SPTBN1: variants seen among roughly 807,000 people sequenced by gnomAD.
The protein encoded by SPTBN1 is spectrin beta, non-erythrocytic 1, also known as spectrin beta chain, non-erythrocytic 1.
A neutral mutation model predicts 266.4 loss-of-function variants in SPTBN1; 32 were observed. The observed-to-expected ratio is 0.12, with a 90% confidence interval of 0.09 to 0.16. SPTBN1 has a LOEUF of 0.16. SPTBN1 is among the 10% of genes least tolerant of loss of function. SPTBN1 has a pLI of 1.00. For missense variants in SPTBN1, 2,296 were observed against 3,067.1 expected (o/e 0.75, Z 5.94); for synonymous variants, 1,336 against 1,162.2 (o/e 1.15, Z -3.04).
At chr2:54,662,416 C>G in intron 32 of SPTBN1, 1 of 771,454 alleles carries the variant, frequency 1.3e-6, no homozygotes, top group Non-Finnish European at 1.6e-6. Flanking sequence ...AAAATTTTTG[C>G]TGCAGAATTA....
At chr2:54,541,351 G>C (rs1671926134) in intron 2 of SPTBN1, among the ~76,000 whole-genome samples, 1 of 152,218 alleles carries the variant, frequency 6.6e-6, no homozygotes, top group African/African-American at 2.4e-5. Context: ...TTTGAAGGAA[G>C]GCCAGTGTTA....
chr2:54,581,472 A>G (rs1365632013), intron 2 of SPTBN1, among the ~76,000 whole-genome samples: 1 of 151,426 alleles, frequency 6.6e-6, no homozygotes, highest in African/African-American at 2.4e-5. Flanking sequence ...CATGGCTGAC[A>G]TTGAACTTCC....
rs575049231 is a variant in SPTBN1, at chr2:54,543,160, A to G, written c.148+16594A>G. ...TGGCTTCAGAGGCCTGGAGTCCCAC[A>G]TGAGGTCCCTGCTCTGTCGCCTACT... On this transcript the variant is annotated intron_variant, in intron 2 of 35. Transcript: ENST00000356805. Among the ~76,000 whole-genome samples, 4 of 152,296 alleles carry G rather than the reference A, an allele frequency of 2.6e-5. No individual in the cohort carries two copies. The South Asian group carries it at 8.3e-4, about 32-fold the overall frequency.
intron 3 of SPTBN1, among the ~76,000 whole-genome samples, chr2:54,603,588 G>T (rs1242387689): frequency 6.6e-6 from 1 of 152,170 alleles, no homozygotes; most frequent in East Asian, 1.9e-4. Context: ...AACAAGACAG[G>T]CAGGAAGTCA....
intron 1 of SPTBN1, among the ~76,000 whole-genome samples, chr2:54,487,525 A>G (rs570781833): frequency 6.6e-6 from 1 of 152,204 alleles, no homozygotes; most frequent in Non-Finnish European, 1.5e-5. Flanking sequence ...GCCTTCCCTG[A>G]TTTTCAGCCT....
chr2:54,512,461 T>C (rs546587839), intron 1 of SPTBN1, among the ~76,000 whole-genome samples: 2 of 152,264 alleles, frequency 1.3e-5, no homozygotes, highest in Admixed American at 1.3e-4. Flanking sequence ...AAAGTGTAAA[T>C]CTCTGGAAAT....
rs187817814 is a variant in SPTBN1 at position 54,570,317 on chromosome 2, A to G, written c.149-28775A>G. On this transcript the variant is annotated intron_variant, in intron 2 of 35. Transcript: ENST00000356805. ...ACAGTAATCACAGTAGCATGGAGAC[A>G]CAGGCTGGCCTATATTTGGTTTCAC... is the stretch of plus-strand genomic sequence containing the variant. 1.7e-3 allele frequency among the ~76,000 whole-genome samples: 255 copies of G among 152,354 alleles called. 1 individual carries two copies. The highest frequency in any genetic ancestry group is 5.8e-3 in the African/African-American group (243 of 41,578).
intron 7 of SPTBN1, among the ~76,000 whole-genome samples, chr2:54,620,685 G>A (rs778712538): frequency 8.5e-5 from 13 of 152,182 alleles, no homozygotes; most frequent in Non-Finnish European, 1.5e-4. Context: ...TTGAGAGGTA[G>A]TAGGCTATAG....
At chr2:54,623,297 A>G (rs534384090) in intron 9 of SPTBN1, among the ~76,000 whole-genome samples, 182 bp from the exon 10 acceptor site, 3 of 152,384 alleles carry the variant, frequency 2.0e-5, no homozygotes, top group African/African-American at 4.8e-5. Context: ...TGTCAGCAAC[A>G]ACAAAGAAAT....
chr2:54,572,657 C>T (rs902438196), intron 2 of SPTBN1, among the ~76,000 whole-genome samples: 9 of 152,184 alleles, frequency 5.9e-5, no homozygotes, highest in African/African-American at 2.2e-4. Context: ...TACAAAAAAT[C>T]TTTGTTTTTC....
chr2:54,460,622 C>G (rs1197999416), intron 1 of SPTBN1, among the ~76,000 whole-genome samples: 3 of 152,186 alleles, frequency 2.0e-5, no homozygotes, highest in African/African-American at 7.2e-5. Flanking sequence ...ATGTCCTGCC[C>G]TCTCGTCCAG....
Position 54,653,896 on chromosome 2 carries a change from G to C in SPTBN1, c.5822+43G>C. ...AAGGAAATTGGACTTATTGGCGCTT[G>C]GTTAAAACACAGGAGTCTTCCAGAG... On this transcript the variant is annotated intron_variant, in intron 27 of 35. Coordinates refer to ENST00000356805, the MANE Select transcript of SPTBN1 (RefSeq NM_003128.3). This position sits in a 1 kb window ranked among gnomAD's most constrained non-coding sequence, Gnocchi z 5.1. The C allele has an allele frequency of 1.9e-6, 3 of 1,592,854 alleles. No individual in the cohort carries two copies. The highest frequency in any genetic ancestry group is 2.6e-6 in the Non-Finnish European group (3 of 1,174,798).
Position 54,649,293 on chromosome 2 carries a change from A to T in SPTBN1, c.5202+103A>T. ...GAGCAGATAAAATGCCCTGGACTCC[A>T]ATCAGAGGTCTTGGGGTTTAGTTTT... On this transcript the variant is annotated intron_variant, in intron 25 of 35. Coordinates refer to ENST00000356805, the MANE Select transcript of SPTBN1 (RefSeq NM_003128.3). The surrounding 1 kb of genome is among the most constrained non-coding windows in gnomAD (Gnocchi z 6.7). The T allele has an allele frequency of 1.7e-5, 22 of 1,277,044 alleles. No individual in the cohort carries two copies. The highest frequency in any genetic ancestry group is 2.4e-5 in the Non-Finnish European group (22 of 932,182). The allele number at this position is 1,277,044 out of a possible 1,614,324, so 79.1% of individuals were successfully genotyped here. A position where few individuals can be genotyped will look rare whatever the true frequency, so the allele number is the denominator to read the frequency against.
chr2:54,657,950 G>A lies in SPTBN1; in HGVS notation c.6147G>A (p.Val2049=). The change falls in exon 30 of 36, where the codon GTG becomes GTA. Residue 2049 remains valine, a synonymous_variant. Coordinates refer to ENST00000356805, the MANE Select transcript of SPTBN1 (RefSeq NM_003128.3). ...YLSSREIGQS[V]DEVEKLIKRH... ...CCAGCCGAGAGATAGGCCAGAGCGT[G>A]GACGAGGTGGAGAAGCTCATCAAGC... is the stretch of plus-strand genomic sequence containing the variant. The A allele has an allele frequency of 1.2e-6, 2 of 1,614,274 alleles. No homozygotes were observed. Among genetic ancestry groups the A allele is most frequent in the Non-Finnish European group, 1.7e-6 (2 of 1,180,048 alleles).
intron 2 of SPTBN1, among the ~76,000 whole-genome samples, chr2:54,568,349 C>CAAAAA (rs888478845): frequency 3.3e-4 from 32 of 95,652 alleles, no homozygotes; most frequent in African/African-American, 4.9e-4. Flanking sequence ...GACTCTGTCT[C>CAAAAA]AAAAAAAAAA....
chr2:54,581,394 G>A (rs1674889510), intron 2 of SPTBN1, among the ~76,000 whole-genome samples: 1 of 152,090 alleles, frequency 6.6e-6, no homozygotes, highest in African/African-American at 2.4e-5. Flanking sequence ...GATGTTGACT[G>A]TCCCACTTAC....
chr2:54,478,361 G>T (rs1308640863), intron 1 of SPTBN1, among the ~76,000 whole-genome samples: 1 of 152,118 alleles, frequency 6.6e-6, no homozygotes, highest in Admixed American at 6.5e-5. Flanking sequence ...AGGACCTGTA[G>T]TGGGTCCCCT....
At chr2:54,561,688 GATATT>G (rs141022561) in intron 2 of SPTBN1, among the ~76,000 whole-genome samples, 3,731 of 141,230 alleles carry the variant, frequency 0.026, 142 homozygotes, top group African/African-American at 0.097. Flanking sequence ...AATTTATAGA[GATATT>G]ATAAATTTAT....
intron 2 of SPTBN1, among the ~76,000 whole-genome samples, chr2:54,535,981 T>C (rs1671573914): frequency 6.6e-6 from 1 of 152,190 alleles, no homozygotes; most frequent in Non-Finnish European, 1.5e-5. Flanking sequence ...GATTGCGCCA[T>C]TGCACTCCAG....
Sources: gnomAD v4.1 joint callset for allele counts (sites outside exome capture counted in the v4.1 genomes callset) on GRCh38, gnomAD v4.1.1 for gene constraint, Gnocchi (gnomAD v3.1) non-coding constraint, MANE v1.5 for transcripts, NCBI Gene and HGNC (gene_info 2026-07-23, HGNC 2026-07-21) for gene names.